The following FAM98B variants were observed in gnomAD, a reference collection of about 807,000 sequenced individuals.
FAM98B encodes the protein tRNA splicing ligase complex subunit 3B.
In FAM98B, 32 loss-of-function variants were observed where a neutral mutation model predicts 43.9. The ratio of observed to expected loss-of-function variants is 0.73; its 90% CI spans 0.55 to 0.98. The LOEUF is 0.98. Ranked by LOEUF, FAM98B falls within the 50% of genes least tolerant of loss-of-function variation. The pLI is 0.00. For missense variants in FAM98B, 514 were observed against 522.9 expected, an observed-to-expected ratio of 0.98 and a Z score of 0.17; for synonymous variants, 190 against 174.0, an observed-to-expected ratio of 1.09 and a Z score of -0.72.
intron 6 of FAM98B, 142 bp from the exon 7 acceptor site, chr15:38,481,150 C>T (rs1402681385): frequency 1.6e-6 from 1 of 614,024 alleles, no homozygotes; most frequent in East Asian, 2.8e-5. Context: ...CATAAATTCT[C>T]AGATATTTGG....
At position 38,484,739 on chromosome 15, in the gene FAM98B, T is replaced by A; in HGVS notation, c.*80T>A. 1 of 1,473,390 alleles carries A rather than the reference T, an allele frequency of 6.8e-7. No individual in the cohort carries two copies. The highest frequency in any genetic ancestry group is 8.9e-7 in the Non-Finnish European group (1 of 1,122,890). 91.3% of individuals were successfully genotyped at this position (1,473,390 alleles called of 1,614,324 possible). A position where few individuals can be genotyped will look rare whatever the true frequency, so the allele number is the denominator to read the frequency against. ...GTGTTCCAAATAACATACTTGAATA[T>A]CATCTTTGAAGTAAACACCATGTTA... On this transcript the variant is annotated 3_prime_UTR_variant, in exon 8 of 8. Transcript: ENST00000397609.
chr15:38,476,230 T>A (rs577096355), intron 6 of FAM98B, among the ~76,000 whole-genome samples: 1 of 152,326 alleles, frequency 6.6e-6, no homozygotes, highest in South Asian at 2.1e-4. Flanking sequence ...TATTTAGTGC[T>A]GCCATTAAGA....
At chr15:38,460,445 T>C (rs1210647109) in intron 1 of FAM98B, among the ~76,000 whole-genome samples, 1 of 152,120 alleles carries the variant, frequency 6.6e-6, no homozygotes, top group Non-Finnish European at 1.5e-5. Flanking sequence ...AAATAAGTAC[T>C]ATGCTGCTTA....
chr15:38,471,313 T>A (rs1214758380), intron 4 of FAM98B, among the ~76,000 whole-genome samples: 1 of 152,096 alleles, frequency 6.6e-6, no homozygotes, highest in African/African-American at 2.4e-5. Flanking sequence ...TTGGTAGAAC[T>A]TGCAAACCAG....
chr15:38,464,169 C>A lies in FAM98B; in HGVS notation c.209C>A (p.Thr70Lys), dbSNP rs374667977. The A allele has an allele frequency of 8.7e-6, 14 of 1,612,044 alleles. No individual in the cohort carries two copies. The highest frequency in any genetic ancestry group is 3.4e-4 in the Middle Eastern group (2 of 5,962). Residue 70 changes from threonine (T) to lysine (K), a missense_variant, in exon 2 of 8, where the codon ACG becomes AAG. Transcript: ENST00000397609. ...KSLCNLEESI[T>K]SAGRDDLESF... Reference sequence around the variant, plus strand: ...TTATGCAACTTGGAAGAAAGTATCACGTCTGCTGGTATTGCCATTATGTTG... The same window carrying A: ...TTATGCAACTTGGAAGAAAGTATCAAGTCTGCTGGTATTGCCATTATGTTG...
At chr15:38,482,614 C>T (rs1009340462) in intron 7 of FAM98B, 5 of 152,136 alleles carry the variant, frequency 3.3e-5, no homozygotes, top group African/African-American at 1.2e-4. Context: ...GGATATTGCA[C>T]TTTTTATATT....
In FAM98B at chr15:38,486,830, A is replaced by G. The variant is rs758672063; in HGVS notation, c.*2171A>G. The stretch of plus-strand genomic sequence containing the variant: ...CTGAGCAGTATCTGGAATAGCAGGA[A>G]GGAAATTTGGGGCCTTAATGGGAAA... On this transcript the variant is annotated 3_prime_UTR_variant, in exon 8 of 8. Transcript: ENST00000397609. 6.6e-6 allele frequency: 1 copy of G among 152,274 alleles called. No individual in the cohort carries two copies. Among genetic ancestry groups the G allele is most frequent in the East Asian group, 1.9e-4 (1 of 5,192 alleles). The allele number at this position is 152,274 out of a possible 1,614,324, so 9.4% of individuals were successfully genotyped here.
At chr15:38,459,230 C>A in intron 1 of FAM98B, 2 of 468,356 alleles carry the variant, frequency 4.3e-6, no homozygotes, top group South Asian at 3.3e-5. Context: ...TCATCCAGGT[C>A]AGTGACCACA....
intron 6 of FAM98B, among the ~76,000 whole-genome samples, chr15:38,474,726 T>G (rs750445508): frequency 1.4e-4 from 21 of 152,100 alleles, no homozygotes; most frequent in Non-Finnish European, 2.9e-4. Flanking sequence ...GGTGAGGGCA[T>G]TTCCAAATTT....
rs1890369439 is a variant in FAM98B at position 38,486,221 on chromosome 15, T to C, written c.*1562T>C. On this transcript the variant is annotated 3_prime_UTR_variant, in exon 8 of 8. Transcript: ENST00000397609. Reference sequence around the variant, plus strand: ...AATTTTTTGGTTATTTGTAAATTTATTTTTTGTGTGTTTATATTTAATGAA... The same window carrying C: ...AATTTTTTGGTTATTTGTAAATTTACTTTTTGTGTGTTTATATTTAATGAA... 1 of 152,166 alleles carries C rather than the reference T, an allele frequency of 6.6e-6. No individual in the cohort carries two copies. The highest frequency in any genetic ancestry group is 6.5e-5 in the Admixed American group (1 of 15,286). 9.4% of individuals were successfully genotyped at this position (152,166 alleles called of 1,614,324 possible).
chr15:38,472,646 A>T (rs1488495981), intron 4 of FAM98B, among the ~76,000 whole-genome samples: 2 of 152,036 alleles, frequency 1.3e-5, no homozygotes, highest in African/African-American at 4.8e-5. Context: ...AGAAACCTCA[A>T]CTGTGCCCAT....
At chr15:38,470,850 G>A (rs1403073354) in intron 4 of FAM98B, among the ~76,000 whole-genome samples, 1 of 152,054 alleles carries the variant, frequency 6.6e-6, no homozygotes, top group Non-Finnish European at 1.5e-5. Context: ...TGTTTAGTAA[G>A]AGTAAGTGCA....
chr15:38,461,333 T>C (rs775492523), intron 1 of FAM98B, among the ~76,000 whole-genome samples: 3 of 152,180 alleles, frequency 2.0e-5, no homozygotes, highest in Non-Finnish European at 2.9e-5. Context: ...AATAATATTC[T>C]AGTCTCAGCT....
intron 1 of FAM98B, among the ~76,000 whole-genome samples, chr15:38,457,703 T>A (rs1028777103): frequency 6.6e-6 from 1 of 151,610 alleles, no homozygotes; most frequent in East Asian, 1.9e-4. Context: ...AGAATAGAGG[T>A]GGAGAGGAAA....
Position 38,468,890 on chromosome 15 carries a change from C to T in FAM98B, c.353-1337C>T, listed in dbSNP as rs564111954. Among the ~76,000 whole-genome samples the T allele has an allele frequency of 4.6e-5, 7 of 152,190 alleles. No homozygotes were observed. The South Asian group carries it at 1.5e-3, about 32-fold the overall frequency. ...GCGTTTGTGTCTAATTTTAACTAAA[C>T]AAATAAAAACAAAGTATTTATTTAT... On this transcript the variant is annotated intron_variant, in intron 3 of 7. Transcript: ENST00000397609.
At chr15:38,459,257 C>T (rs1595796104) in intron 1 of FAM98B, 1 of 479,408 alleles carries the variant, frequency 2.1e-6, no homozygotes, top group Non-Finnish European at 4.1e-6. Context: ...CTCCTTTGAT[C>T]TTCCTCTGTC....
chr15:38,478,439 G>A (rs1053623231), intron 6 of FAM98B, among the ~76,000 whole-genome samples: 21 of 151,964 alleles, frequency 1.4e-4, no homozygotes, highest in Non-Finnish European at 1.2e-4. Flanking sequence ...AAGTTTTCTT[G>A]TTGAATTTAT....
chr15:38,456,038 A>G (rs1889842628), intron 1 of FAM98B, among the ~76,000 whole-genome samples: 2 of 152,248 alleles, frequency 1.3e-5, no homozygotes, highest in Admixed American at 6.5e-5. Flanking sequence ...ATAGTGAATA[A>G]TGCATTTTCT....
In FAM98B at chr15:38,484,407, T is replaced by G. The variant is rs991617912; in HGVS notation, c.1050T>G (p.Gly350=). 3 of 296,912 alleles carry G rather than the reference T, an allele frequency of 1.0e-5. No individual in the cohort carries two copies. Among genetic ancestry groups the G allele is most frequent in the Non-Finnish European group, 1.3e-5 (3 of 225,834 alleles). 18.4% of individuals were successfully genotyped at this position (296,912 alleles called of 1,614,324 possible). ...GGGGGGGRGG[G]GGGGGRGGWG... ...GTGGAGGTGGTGGTAGAGGAGGTGGTGGGGGTGGGGGTGGGAGAGGTGGCT... is the reference window on the plus strand; with the variant it reads ...GTGGAGGTGGTGGTAGAGGAGGTGGGGGGGGTGGGGGTGGGAGAGGTGGCT... The change falls in exon 8 of 8, where the codon GGT becomes GGG. Residue 350 remains glycine (G), a synonymous_variant. Coordinates refer to ENST00000397609, the MANE Select transcript of FAM98B (RefSeq NM_173611.4).
Sources: gnomAD v4.1 joint callset for allele counts (sites outside exome capture counted in the v4.1 genomes callset) on GRCh38, gnomAD v4.1.1 for gene constraint, MANE v1.5 for transcripts, NCBI Gene and HGNC (gene_info 2026-07-23, HGNC 2026-07-21) for gene names.